The following PMFBP1 variants were observed in gnomAD, a reference collection of about 807,000 sequenced individuals.
PMFBP1 encodes the protein polyamine-modulated factor 1-binding protein 1.
In PMFBP1, 131 loss-of-function variants were observed where a neutral mutation model predicts 137.8. The ratio of observed to expected loss-of-function variants is 0.95; its 90% confidence interval spans 0.82 to 1.10. The LOEUF (loss-of-function observed/expected upper bound fraction) is 1.10, where lower values mean the gene tolerates loss of function less well. Among genes scored for constraint, PMFBP1 ranks in the 50% least tolerant of loss-of-function variants. The pLI is 0.00. For synonymous variants in PMFBP1, 490 were observed against 450.4 expected, an observed-to-expected ratio of 1.09 and a Z score of -1.11; for missense variants, 1,199 against 1,175.4, an observed-to-expected ratio of 1.02 and a Z score of -0.29.
downstream of PMFBP1, among the ~76,000 whole-genome samples, chr16:72,117,232 T>C (rs1190754047): frequency 1.5e-5 from 2 of 136,546 alleles, no homozygotes; most frequent in Non-Finnish European, 3.1e-5. Context: ...CTTGGTTAAT[T>C]CCCAGGTATT....
rs763181788 is a variant in PMFBP1 at position 72,129,204 on chromosome 16, CT to C, written c.1811del (p.Lys604SerfsTer2). 1.2e-6 allele frequency: 2 copies of C among 1,613,566 alleles called. No individual in the cohort carries two copies. Among genetic ancestry groups the C allele is most frequent in the Non-Finnish European group, 1.7e-6 (2 of 1,180,046 alleles). ...TGGCCTCCTGAAGATCTTCTTCTAA[CT>C]TGCATTTGATGGAGCCTTGCTCCCT... Reference protein sequence around the residue: ...QHREQGSIKCKLEEDLQEATK... With the variant: ...QHREQGSIKCXLEEDLQEATK... On this transcript the variant is annotated frameshift_variant, in exon 13 of 21. Transcript: ENST00000237353. LOFTEE classifies it high-confidence loss of function.
At chr16:72,218,124 T>C in the PMFBP1 span, among the ~76,000 whole-genome samples, 7 of 152,262 alleles carry the variant, frequency 4.6e-5, no homozygotes, top group South Asian at 1.2e-3. Flanking sequence ...CTTATTTGAA[T>C]CAATTAGCAC....
At chr16:72,173,272 A>C (rs1234759087), upstream of PMFBP1, among the ~76,000 whole-genome samples, 3 of 152,254 alleles carry the variant, frequency 2.0e-5, no homozygotes, top group Non-Finnish European at 2.9e-5. Flanking sequence ...AACTCACCCA[A>C]GTATCATACA....
chr16:72,203,577 G>A, the PMFBP1 span, among the ~76,000 whole-genome samples: 2 of 152,096 alleles, frequency 1.3e-5, no homozygotes, highest in Non-Finnish European at 1.5e-5. Context: ...CTGTTTCTCC[G>A]GCAGCACCAT....
chr16:72,129,336 AGAC>A (rs1192476999), intron 12 of PMFBP1, 103 bp from the exon 13 acceptor site: 15 of 1,322,954 alleles, frequency 1.1e-5, no homozygotes, highest in South Asian at 3.0e-5. Context: ...ATGAAGAAGA[AGAC>A]AATTCCTTAG....
intron 2 of PMFBP1, among the ~76,000 whole-genome samples, chr16:72,166,187 C>A (rs1040833114): frequency 6.6e-6 from 1 of 152,146 alleles, no homozygotes; most frequent in East Asian, 1.9e-4. Flanking sequence ...AATTGTAATC[C>A]CCATGTGTTG....
chr16:72,146,991 A>C (rs537418199), intron 5 of PMFBP1, among the ~76,000 whole-genome samples: 1 of 152,214 alleles, frequency 6.6e-6, no homozygotes, highest in African/African-American at 2.4e-5. Flanking sequence ...TAAAGCTACC[A>C]CTGAGTTTCT....
chr16:72,201,022 T>C, the PMFBP1 span, among the ~76,000 whole-genome samples: 1 of 152,154 alleles, frequency 6.6e-6, no homozygotes, highest in Non-Finnish European at 1.5e-5. Context: ...ACTTAATGTT[T>C]CCCCATTTAT....
At chr16:72,225,671 C>G in the PMFBP1 span, among the ~76,000 whole-genome samples, 5 of 150,188 alleles carry the variant, frequency 3.3e-5, no homozygotes, top group Non-Finnish European at 5.9e-5. Flanking sequence ...TATGATCATG[C>G]CCCTCCACTC....
At chr16:72,141,593 A>G (rs2042723460) in intron 5 of PMFBP1, among the ~76,000 whole-genome samples, 1 of 152,192 alleles carries the variant, frequency 6.6e-6, no homozygotes, top group Non-Finnish European at 1.5e-5. Flanking sequence ...CAGCAAGATG[A>G]GTTAGAGATT....
At position 72,139,303 on chromosome 16, in the gene PMFBP1, C is replaced by T. The variant is rs1234341276; in HGVS notation, c.904G>A (p.Glu302Lys). 1.2e-6 allele frequency: 2 copies of T among 1,613,438 alleles called. No homozygotes were observed. Among genetic ancestry groups the T allele is most frequent in the African/African-American group, 2.7e-5 (2 of 74,914 alleles). Residue 302 changes from glutamate (E) to lysine (K), a missense_variant, in exon 7 of 21, where the codon GAA becomes AAA. Glu to Lys is a moderately conservative substitution (Grantham distance 56). Coordinates refer to ENST00000237353, the MANE Select transcript of PMFBP1 (RefSeq NM_031293.3). ...RYPPSSSEEC[E>K]DIKKILKHLQ... ...ATTTCTCCCACCTTTTTGATGTCTT[C>T]ACACTCTTCTGAGGAGCTAGGAGGG...
chr16:72,129,041 G>T (rs990132486), intron 13 of PMFBP1, 25 bp downstream of exon 13: 6 of 1,609,596 alleles, frequency 3.7e-6, no homozygotes, highest in Admixed American at 1.7e-5. Flanking sequence ...TCCTGACCCA[G>T]CTCTCCTGGG....
At position 72,136,718 on chromosome 16, in the gene PMFBP1, C is replaced by T. The variant is rs771001515; in HGVS notation, c.1020G>A (p.Ser340=). ...KDLRVELEAV[S]EQKRNIMKDM... ...CCTTCATGATGTTTCTCTTCTGTTC[C>T]GACACGGCCTCTAGTTCCACGCGCA... is the stretch of plus-strand genomic sequence containing the variant. Residue 340 remains serine, a synonymous_variant, in exon 8 of 21, where the codon TCG becomes TCA. Transcript: ENST00000237353. 1.1e-5 allele frequency: 17 copies of T among 1,613,978 alleles called. No individual in the cohort carries two copies. Among genetic ancestry groups the T allele is most frequent in the Admixed American group, 6.7e-5 (4 of 59,990 alleles).
At chr16:72,197,619 C>T in the PMFBP1 span, among the ~76,000 whole-genome samples, 4 of 152,270 alleles carry the variant, frequency 2.6e-5, no homozygotes, top group African/African-American at 9.6e-5. Flanking sequence ...CCTCCTCCTC[C>T]ACTGGGGTCA....
chr16:72,135,770 A>T, intron 9 of PMFBP1, among the ~76,000 whole-genome samples: 1 of 106,820 alleles, frequency 9.4e-6, no homozygotes, highest in African/African-American at 4.0e-5. Context: ...TTTTTGAGAC[A>T]GGGTCTCATT....
chr16:72,130,021 A>AT lies in PMFBP1; in HGVS notation c.1782+191dup, dbSNP rs34309753. ...GCCATTATGCCCTGATAATGTTTGT[A>AT]TTTTTTTTTTTTTTTGTAAGGCAGG... is the stretch of plus-strand genomic sequence containing the variant. On this transcript the variant is annotated intron_variant, in intron 12 of 20. Coordinates refer to ENST00000237353, the MANE Select transcript of PMFBP1 (RefSeq NM_031293.3). 8.7e-3 allele frequency among the ~76,000 whole-genome samples: 1,228 copies of AT among 140,890 alleles called. 12 individuals carry two copies. Among genetic ancestry groups the AT allele is most frequent in the African/African-American group, 0.026 (988 of 38,408 alleles). The allele number at this position is 140,890 out of a possible 152,430, so 92.4% of individuals were successfully genotyped here.
At chr16:72,129,444 C>T (rs1271666848) in intron 12 of PMFBP1, among the ~76,000 whole-genome samples, 1 of 152,176 alleles carries the variant, frequency 6.6e-6, no homozygotes, top group African/African-American at 2.4e-5. Context: ...ATTTATTGAT[C>T]TAATTCCTAA....
At chr16:72,209,275 T>C in the PMFBP1 span, among the ~76,000 whole-genome samples, 1 of 152,218 alleles carries the variant, frequency 6.6e-6, no homozygotes, top group Non-Finnish European at 1.5e-5. Context: ...TGTAAGTTGC[T>C]GCCAAACATG....
the PMFBP1 span, among the ~76,000 whole-genome samples, chr16:72,228,604 G>T: frequency 6.6e-6 from 1 of 152,154 alleles, no homozygotes; most frequent in African/African-American, 2.4e-5. Context: ...TGTATTCCCA[G>T]TCCCCAGCAT....
Sources: allele counts gnomAD v4.1 joint callset (sites outside exome capture counted in the v4.1 genomes callset), GRCh38; gene constraint gnomAD v4.1.1; transcripts MANE v1.5; gene names NCBI Gene and HGNC (gene_info 2026-07-23, HGNC 2026-07-21).